Variants in ABLIM3 observed in about 807,000 individuals in gnomAD.
ABLIM3 encodes the protein actin binding LIM protein family member 3, also known as actin-binding LIM protein 3.
Under a neutral mutation model 109.5 loss-of-function variants are expected in ABLIM3, and 61 were observed. The observed-to-expected ratio is 0.56, with a 90% CI of 0.45 to 0.69. The LOEUF (loss-of-function observed/expected upper bound fraction) is 0.69, where lower values mean the gene tolerates loss of function less well. ABLIM3 is among the 30% of genes least tolerant of loss of function. ABLIM3 has a pLI of 0.00. For synonymous variants in ABLIM3, 300 were observed against 324.8 expected (o/e 0.92, Z 0.82); for missense variants, 796 against 889.5 (o/e 0.89, Z 1.34).
intron 3 of ABLIM3, among the ~76,000 whole-genome samples, chr5:149,189,939 A>G (rs1041398529): frequency 3.3e-5 from 5 of 152,262 alleles, no homozygotes; most frequent in Non-Finnish European, 5.9e-5. Flanking sequence ...ATTATTCGTA[A>G]TAGCCAAAAA....
chr5:149,175,129 A>G (rs1472208626), intron 2 of ABLIM3, among the ~76,000 whole-genome samples: 2 of 152,194 alleles, frequency 1.3e-5, no homozygotes, highest in Non-Finnish European at 2.9e-5. Flanking sequence ...TAGACACCCT[A>G]GGGATGTTTC....
chr5:149,211,142 T>TTTTATTTA (rs558382170), intron 7 of ABLIM3, among the ~76,000 whole-genome samples: 10 of 138,612 alleles, frequency 7.2e-5, no homozygotes, highest in East Asian at 4.1e-4. Flanking sequence ...AGGAAGTCTT[T>TTTTATTTA]TTTATTTATT....
chr5:149,172,997 G>A (rs1755586349), intron 2 of ABLIM3, among the ~76,000 whole-genome samples: 1 of 152,238 alleles, frequency 6.6e-6, no homozygotes, highest in South Asian at 2.1e-4. Context: ...AGAACCAGAT[G>A]TTAGCAAGAA....
At chr5:149,168,860 T>A (rs894046866) in intron 2 of ABLIM3, among the ~76,000 whole-genome samples, 9 of 152,206 alleles carry the variant, frequency 5.9e-5, no homozygotes, top group African/African-American at 2.2e-4. Flanking sequence ...AGCCCAGGAT[T>A]TCTTGACCTT....
chr5:149,175,896 C>T (rs1021657644), intron 2 of ABLIM3, among the ~76,000 whole-genome samples: 2 of 152,156 alleles, frequency 1.3e-5, no homozygotes, highest in Admixed American at 6.5e-5. Flanking sequence ...CTGAAGAAGG[C>T]AGCACGAGCC....
Position 149,252,666 on chromosome 5 carries a change from A to G in ABLIM3, c.1858-91A>G, listed in dbSNP as rs537139284. On this transcript the variant is annotated intron_variant, in intron 22 of 23. Coordinates refer to ENST00000309868, the MANE Select transcript of ABLIM3 (RefSeq NM_014945.5). ...AGACTTAATTTCTGGCCATTTCTGG[A>G]TAGAACAGAGAGCCCAGACACAAAA... The G allele has an allele frequency of 2.9e-5, 28 of 979,688 alleles. No individual in the cohort carries two copies. The South Asian group carries it at 2.9e-4, about 10-fold the overall frequency. The allele number at this position is 979,688 out of a possible 1,614,324, so 60.7% of individuals were successfully genotyped here. A position where few individuals can be genotyped will look rare whatever the true frequency, so the allele number is the denominator to read the frequency against.
At position 149,213,216 on chromosome 5, in the gene ABLIM3, C is replaced by A. The variant is rs186402901; in HGVS notation, c.669+2397C>A. ...AAAAACGTGAGGCTTTGAATAATAG[C>A]ACCACCAGAGTCCTCAGGATTTCCA... On this transcript the variant is annotated intron_variant, in intron 7 of 23. Coordinates refer to ENST00000309868, the MANE Select transcript of ABLIM3 (RefSeq NM_014945.5). 2.4e-4 allele frequency among the ~76,000 whole-genome samples: 36 copies of A among 152,320 alleles called. No individual in the cohort carries two copies. The East Asian group carries it at 5.8e-3, about 24-fold the overall frequency.
chr5:149,227,561 C>T (rs1761437130), intron 8 of ABLIM3, among the ~76,000 whole-genome samples: 1 of 152,252 alleles, frequency 6.6e-6, no homozygotes, highest in Non-Finnish European at 1.5e-5. Context: ...AATTATGAGT[C>T]ATAAAATCAC....
At chr5:149,178,884 G>C (rs922594960) in intron 2 of ABLIM3, among the ~76,000 whole-genome samples, 3 of 152,138 alleles carry the variant, frequency 2.0e-5, no homozygotes, top group Non-Finnish European at 4.4e-5. Context: ...CTCTTCCAAA[G>C]AGGGAATTGG....
chr5:149,216,901 G>T, intron 7 of ABLIM3, 58 bp from the exon 8 acceptor site: 1 of 1,459,618 alleles, frequency 6.9e-7, no homozygotes, highest in Non-Finnish European at 9.6e-7. Context: ...AACCCAATCT[G>T]CCCCACTAGA....
At chr5:149,200,279 G>A in intron 4 of ABLIM3, 37 bp from the exon 5 acceptor site, 5 of 1,576,452 alleles carry the variant, frequency 3.2e-6, no homozygotes, top group Non-Finnish European at 4.4e-6. Flanking sequence ...TCCCTCAGAA[G>A]AGGGTGTGTT....
intron 3 of ABLIM3, among the ~76,000 whole-genome samples, chr5:149,184,948 G>A (rs1360832507): frequency 2.0e-5 from 3 of 152,122 alleles, no homozygotes; most frequent in Admixed American, 6.5e-5. Flanking sequence ...ATTTTATATT[G>A]AGTATTGGCA....
At chr5:149,167,161 G>A (rs1754909771) in intron 2 of ABLIM3, among the ~76,000 whole-genome samples, 1 of 152,168 alleles carries the variant, frequency 6.6e-6, no homozygotes, top group Non-Finnish European at 1.5e-5. Context: ...GAGACCCCTT[G>A]AGGAGTCCAC....
At position 149,235,122 on chromosome 5, in the gene ABLIM3, G is replaced by A. The variant is rs933209868; in HGVS notation, c.888+1822G>A. 2.0e-5 allele frequency among the ~76,000 whole-genome samples: 3 copies of A among 152,130 alleles called. No homozygotes were observed. The East Asian group carries it at 5.8e-4, about 29-fold the overall frequency. ...GCAGAGGCATGTGTCTCCCCTTCCA[G>A]CCTCTCCTGCTCTCACCGTTTATGG... On this transcript the variant is annotated intron_variant, in intron 10 of 23. Coordinates refer to ENST00000309868, the MANE Select transcript of ABLIM3 (RefSeq NM_014945.5).
intron 2 of ABLIM3, among the ~76,000 whole-genome samples, chr5:149,160,653 G>A (rs572317930): frequency 6.6e-6 from 1 of 152,172 alleles, no homozygotes; most frequent in Admixed American, 6.6e-5. Context: ...TGGTGTCACT[G>A]TAGTGTGCTC....
chr5:149,163,993 TA>T (rs1754610870), intron 2 of ABLIM3: 1 of 152,244 alleles, frequency 6.6e-6, no homozygotes, highest in Non-Finnish European at 1.5e-5. Flanking sequence ...GGATTTCCTA[TA>T]AAGGGTATTT....
chr5:149,205,217 C>G (rs1276518247), intron 5 of ABLIM3, among the ~76,000 whole-genome samples: 1 of 152,164 alleles, frequency 6.6e-6, no homozygotes, highest in Non-Finnish European at 1.5e-5. Flanking sequence ...GTCTCAGCTC[C>G]ATATAAAGAA....
rs1166788249 is a variant in ABLIM3, at chr5:149,258,316, A to T, written c.1964A>T (p.Tyr655Phe). The T allele has an allele frequency of 6.2e-7, 1 of 1,612,544 alleles. No individual in the cohort carries two copies. Among genetic ancestry groups the T allele is most frequent in the Non-Finnish European group, 8.5e-7 (1 of 1,179,616 alleles). ...LERHLSQEEFYQVFGMTISEF... is the reference protein window; with the variant it reads ...LERHLSQEEFFQVFGMTISEF... Reference sequence around the variant, plus strand: ...CGCCACCTGTCCCAGGAAGAGTTCTACCAAGTCTTTGGCATGACCATCTCT... The same window carrying T: ...CGCCACCTGTCCCAGGAAGAGTTCTTCCAAGTCTTTGGCATGACCATCTCT... Residue 655 changes from tyrosine (Y) to phenylalanine (F), a missense_variant, in exon 24 of 24, where the codon TAC becomes TTC. Coordinates refer to ENST00000309868, the MANE Select transcript of ABLIM3 (RefSeq NM_014945.5).
intron 2 of ABLIM3, among the ~76,000 whole-genome samples, chr5:149,146,503 G>A (rs138810375): frequency 0.011 from 1,678 of 152,294 alleles, 28 homozygotes; most frequent in African/African-American, 0.039. Flanking sequence ...ATGGTGAAAG[G>A]TAAGGGTCCA....
Sources: allele counts gnomAD v4.1 joint callset (sites outside exome capture counted in the v4.1 genomes callset), GRCh38; gene constraint gnomAD v4.1.1; transcripts MANE v1.5; gene names NCBI Gene and HGNC (gene_info 2026-07-23, HGNC 2026-07-21).